ANKRD46: variants seen among roughly 807,000 people sequenced by gnomAD.
The protein encoded by ANKRD46 is ankyrin repeat domain 46, also known as ankyrin repeat domain-containing protein 46.
A neutral mutation model predicts 19.8 loss-of-function variants in ANKRD46; 13 were observed. The observed-to-expected ratio is 0.66, with a 90% CI of 0.43 to 1.04. ANKRD46 has a LOEUF of 1.04. Among genes scored for constraint, ANKRD46 ranks in the 50% least tolerant of loss-of-function variants. The probability of loss-of-function intolerance (pLI) is 0.00; values close to 1 mark genes in which losing one functional copy is unlikely to be tolerated. For missense variants in ANKRD46, 185 were observed against 274.8 expected, an observed-to-expected ratio of 0.67 and a Z score of 2.31; for synonymous variants, 91 against 106.9, an observed-to-expected ratio of 0.85 and a Z score of 0.92.
rs1484716733 is a variant in ANKRD46, at chr8:100,559,751, G to A, written c.-171C>T. The A allele has an allele frequency of 6.5e-6, 1 of 152,872 alleles. No individual in the cohort carries two copies. Among genetic ancestry groups the A allele is most frequent in the African/African-American group, 2.4e-5 (1 of 41,464 alleles). The allele number at this position is 152,872 out of a possible 1,614,324, so 9.5% of individuals were successfully genotyped here. Reference sequence around the variant, plus strand: ...GCAGCAGCGACAGCGGCAGCTTCAAGGAGGCGGTGACGGGCGGAGGGGAGG... The same window carrying A: ...GCAGCAGCGACAGCGGCAGCTTCAAAGAGGCGGTGACGGGCGGAGGGGAGG... On this transcript the variant is annotated 5_prime_UTR_variant, in exon 1 of 5. Transcript: ENST00000335659. This position sits in a 1 kb window ranked among gnomAD's most constrained non-coding sequence, Gnocchi z 6.0.
At chr8:100,552,175 T>C (rs928650514) in intron 1 of ANKRD46, among the ~76,000 whole-genome samples, 6 of 144,438 alleles carry the variant, frequency 4.2e-5, no homozygotes, top group South Asian at 4.3e-4. Flanking sequence ...AAAAAAGAAA[T>C]GTGTTATTTA....
chr8:100,520,958 T>C lies in ANKRD46; in HGVS notation c.*1597A>G. Reference sequence around the variant, plus strand: ...ATGTAAAGCTAATTCCAAAGTTTTCTTCTGAATATACTTCAAATTTGAATT... The same window carrying C: ...ATGTAAAGCTAATTCCAAAGTTTTCCTCTGAATATACTTCAAATTTGAATT... On this transcript the variant is annotated 3_prime_UTR_variant, in exon 5 of 5. Coordinates refer to ENST00000335659, the MANE Select transcript of ANKRD46 (RefSeq NM_001270377.2). The C allele has an allele frequency of 1.0e-6, 1 of 985,220 alleles. No individual in the cohort carries two copies. Among genetic ancestry groups the C allele is most frequent in the East Asian group, 1.1e-4 (1 of 8,826 alleles). 61.0% of individuals were successfully genotyped at this position (985,220 alleles called of 1,614,324 possible). A position where few individuals can be genotyped will look rare whatever the true frequency, so the allele number is the denominator to read the frequency against.
rs1389678900 is a variant in ANKRD46 at position 100,543,092 on chromosome 8, C to G, written c.-130-9781G>C. ...TTTCCCATGGAGCTATTTTTGCAAA[C>G]TGCCCAGAGACCAGACACCTGCCCA... On this transcript the variant is annotated intron_variant, in intron 1 of 4. Transcript: ENST00000335659. This position sits in a 1 kb window ranked among gnomAD's most constrained non-coding sequence, Gnocchi z 4.2. Among the ~76,000 whole-genome samples, 1 of 152,118 alleles carries G rather than the reference C, an allele frequency of 6.6e-6. No individual in the cohort carries two copies. Among genetic ancestry groups the G allele is most frequent in the Non-Finnish European group, 1.5e-5 (1 of 68,028 alleles).
Position 100,546,869 on chromosome 8 carries a change from T to A in ANKRD46, c.-131+12842A>T, listed in dbSNP as rs1240846238. ...TGGAGTTAAAGGAGATTTTGGAGTTTAAGATTCAATGACTGCCTGGCTGGG... is the reference window on the plus strand; with the variant it reads ...TGGAGTTAAAGGAGATTTTGGAGTTAAAGATTCAATGACTGCCTGGCTGGG... On this transcript the variant is annotated intron_variant, in intron 1 of 4. Coordinates refer to ENST00000335659, the MANE Select transcript of ANKRD46 (RefSeq NM_001270377.2). The surrounding 1 kb of genome is among the most constrained non-coding windows in gnomAD (Gnocchi z 4.0). Among the ~76,000 whole-genome samples, 1 of 152,254 alleles carries A rather than the reference T, an allele frequency of 6.6e-6. No individual in the cohort carries two copies. The highest frequency in any genetic ancestry group is 1.5e-5 in the Non-Finnish European group (1 of 68,048).
chr8:100,525,089 C>A lies in ANKRD46; in HGVS notation c.471-2318G>T, dbSNP rs190840293. Reference sequence around the variant, plus strand: ...GATTTATAGTCCCTTATAAGGCCTGCAGAAGTTGTGCTGTCTTGGGGGAAT... The same window carrying A: ...GATTTATAGTCCCTTATAAGGCCTGAAGAAGTTGTGCTGTCTTGGGGGAAT... On this transcript the variant is annotated intron_variant, in intron 4 of 4. Transcript: ENST00000335659. This position sits in a 1 kb window ranked among gnomAD's most constrained non-coding sequence, Gnocchi z 4.4. Among the ~76,000 whole-genome samples, 2 of 152,136 alleles carry A rather than the reference C, an allele frequency of 1.3e-5. No individual in the cohort carries two copies. Among genetic ancestry groups the A allele is most frequent in the East Asian group, 3.9e-4 (2 of 5,182 alleles).
chr8:100,535,056 C>T (rs944505700), intron 1 of ANKRD46, among the ~76,000 whole-genome samples: 6 of 152,144 alleles, frequency 3.9e-5, no homozygotes, highest in South Asian at 2.1e-4. Flanking sequence ...CGTGAGCCAC[C>T]GCAACCAGCC....
chr8:100,529,373 T>A lies in ANKRD46; in HGVS notation c.311+150A>T. ...GAAGTCAGCCCCTCATTCCCTCACT[T>A]GCCTAACAGGATTACACTGTCTTCA... On this transcript the variant is annotated intron_variant, in intron 3 of 4. Transcript: ENST00000335659. This position sits in a 1 kb window ranked among gnomAD's most constrained non-coding sequence, Gnocchi z 5.8. 1.2e-6 allele frequency: 1 copy of A among 820,836 alleles called. No individual in the cohort carries two copies. Among genetic ancestry groups the A allele is most frequent in the Middle Eastern group, 3.7e-4 (1 of 2,690 alleles). The allele number at this position is 820,836 out of a possible 1,614,324, so 50.8% of individuals were successfully genotyped here.
chr8:100,521,383 A>G lies in ANKRD46; in HGVS notation c.*1172T>C. ...CAAGCCTTCATATTCTTTTTTAACCACTCAAGAACATAATTCATACATTAC... is the reference window on the plus strand; with the variant it reads ...CAAGCCTTCATATTCTTTTTTAACCGCTCAAGAACATAATTCATACATTAC... On this transcript the variant is annotated 3_prime_UTR_variant, in exon 5 of 5. Coordinates refer to ENST00000335659, the MANE Select transcript of ANKRD46 (RefSeq NM_001270377.2). 1 of 985,394 alleles carries G rather than the reference A, an allele frequency of 1.0e-6. No homozygotes were observed. The highest frequency in any genetic ancestry group is 1.2e-6 in the Non-Finnish European group (1 of 829,914). The allele number at this position is 985,394 out of a possible 1,614,324, so 61.0% of individuals were successfully genotyped here.
At chr8:100,514,567 A>G (rs1464540392) in intron 5 of ANKRD46, among the ~76,000 whole-genome samples, 3 of 147,116 alleles carry the variant, frequency 2.0e-5, no homozygotes, top group African/African-American at 8.1e-5. Context: ...GTGATTCCTA[A>G]GCAGAAACAG....
Position 100,551,341 on chromosome 8 carries a change from C to A in ANKRD46, c.-131+8370G>T, listed in dbSNP as rs1812385389. The A allele has an allele frequency of 1.2e-5, 7 of 568,544 alleles. No individual in the cohort carries two copies. In the East Asian group the frequency reaches 2.7e-4, roughly 22 times the overall value. 35.2% of individuals were successfully genotyped at this position (568,544 alleles called of 1,614,324 possible). On this transcript the variant is annotated intron_variant, in intron 1 of 4. Transcript: ENST00000335659. The stretch of plus-strand genomic sequence containing the variant: ...CCCATTATGAATATGGGGGCATCAG[C>A]AGAGGGGGTAGAGATGATGACCCTT...
chr8:100,515,155 T>C (rs753561213), intron 5 of ANKRD46, among the ~76,000 whole-genome samples: 267 of 152,296 alleles, frequency 1.8e-3, no homozygotes, highest in Non-Finnish European at 3.2e-3. Context: ...AGGGCTTAAG[T>C]TGACAAATGT....
At position 100,522,672 on chromosome 8, in the gene ANKRD46, C is replaced by G. The variant is rs748356876; in HGVS notation, c.570G>C (p.Leu190=). 3.7e-6 allele frequency: 6 copies of G among 1,614,092 alleles called. No homozygotes were observed. In the South Asian group the frequency reaches 6.6e-5, roughly 18 times the overall value. The change falls in exon 5 of 5, where the codon CTG becomes CTC. Residue 190 remains leucine (L), a synonymous_variant. Coordinates refer to ENST00000335659, the MANE Select transcript of ANKRD46 (RefSeq NM_001270377.2). ...RTTWQEFVED[L]GFWRVLLLIF... ...TCAACAGCAATACTCTCCAGAAGCC[C>G]AGATCCTCCACAAACTCCTGCCACG...
chr8:100,557,057 T>TAAA lies in ANKRD46; in HGVS notation c.-131+2651_-131+2653dup, dbSNP rs34739403. Among the ~76,000 whole-genome samples the TAAA allele has an allele frequency of 1.3e-5, 2 of 151,238 alleles. No homozygotes were observed. Among genetic ancestry groups the TAAA allele is most frequent in the Non-Finnish European group, 3.0e-5 (2 of 67,774 alleles). On this transcript the variant is annotated intron_variant, in intron 1 of 4. Transcript: ENST00000335659. This position sits in a 1 kb window ranked among gnomAD's most constrained non-coding sequence, Gnocchi z 5.9. ...CACATATAACGATAGCTGATGAGCT[T>TAAA]AAAAAAAAATACAATCAATCTCATA... is the stretch of plus-strand genomic sequence containing the variant.
At chr8:100,540,315 T>G (rs962251106) in intron 1 of ANKRD46, among the ~76,000 whole-genome samples, 2 of 152,200 alleles carry the variant, frequency 1.3e-5, no homozygotes, top group African/African-American at 4.8e-5. Flanking sequence ...TCCATATAAC[T>G]CTTTACAATC....
chr8:100,530,742 A>G (rs1811944452), intron 2 of ANKRD46, among the ~76,000 whole-genome samples: 2 of 152,248 alleles, frequency 1.3e-5, no homozygotes, highest in African/African-American at 4.8e-5. Flanking sequence ...TTTAAAAATC[A>G]GAGCATGAAA....
At chr8:100,539,411 A>G (rs971050030) in intron 1 of ANKRD46, among the ~76,000 whole-genome samples, 1 of 152,258 alleles carries the variant, frequency 6.6e-6, no homozygotes, top group Non-Finnish European at 1.5e-5. Flanking sequence ...AGGATATCCC[A>G]GTACTATGAA....
intron 1 of ANKRD46, among the ~76,000 whole-genome samples, chr8:100,552,694 T>C (rs1437085650): frequency 6.6e-6 from 1 of 152,252 alleles, no homozygotes; most frequent in Non-Finnish European, 1.5e-5. Context: ...ACATTCACTT[T>C]ATTTTTCTAT....
rs923174641 is a variant in ANKRD46 at position 100,543,552 on chromosome 8, A to T, written c.-130-10241T>A. 2.0e-5 allele frequency among the ~76,000 whole-genome samples: 3 copies of T among 152,236 alleles called. No homozygotes were observed. Among genetic ancestry groups the T allele is most frequent in the Non-Finnish European group, 4.4e-5 (3 of 68,044 alleles). ...TGTTAAACAAAGATAATTATGATTT[A>T]AAAATTATTCTTTAAAATGCTGTCA... On this transcript the variant is annotated intron_variant, in intron 1 of 4. Transcript: ENST00000335659. This position sits in a 1 kb window ranked among gnomAD's most constrained non-coding sequence, Gnocchi z 4.2.
In ANKRD46 at chr8:100,529,123, C is replaced by T. The variant is rs1034344402; in HGVS notation, c.311+400G>A. Among the ~76,000 whole-genome samples, 15 of 152,120 alleles carry T rather than the reference C, an allele frequency of 9.9e-5. No individual in the cohort carries two copies. The highest frequency in any genetic ancestry group is 9.2e-4 in the Admixed American group (14 of 15,264). On this transcript the variant is annotated intron_variant, in intron 3 of 4. Transcript: ENST00000335659. The surrounding 1 kb of genome is among the most constrained non-coding windows in gnomAD (Gnocchi z 5.8). ...CTCTATAAACTGTGTGAACTTTGTC[C>T]AATCCTTTTTTGTCTTCACTATCTA...
Sources: allele counts gnomAD v4.1 joint callset (sites outside exome capture counted in the v4.1 genomes callset), GRCh38; gene constraint gnomAD v4.1.1; non-coding constraint Gnocchi (gnomAD v3.1); transcripts MANE v1.5; gene names NCBI Gene and HGNC (gene_info 2026-07-23, HGNC 2026-07-21).